Variants in NRXN3 observed in about 807,000 individuals in gnomAD.
The protein encoded by NRXN3 is neurexin 3.
Under a neutral mutation model 137.6 loss-of-function variants are expected in NRXN3, and 32 were observed. The observed-to-expected ratio is 0.23, with a 90% CI of 0.18 to 0.31. The LOEUF is 0.31. Ranked by LOEUF, NRXN3 falls within the 10% of genes least tolerant of loss-of-function variation. The pLI, the probability that NRXN3 is intolerant of heterozygous loss-of-function variation, is 1.00. For missense variants in NRXN3, 1,574 were observed against 2,062.5 expected, an observed-to-expected ratio of 0.76 and a Z score of 4.59; for synonymous variants, 798 against 784.5, an observed-to-expected ratio of 1.02 and a Z score of -0.29.
chr14:79,584,658 AGCTACTGCT>A (rs1326546585), intron 16 of NRXN3, among the ~76,000 whole-genome samples: 4 of 152,188 alleles, frequency 2.6e-5, no homozygotes, highest in Non-Finnish European at 4.4e-5. Flanking sequence ...CCCACAACCC[AGCTACTGCT>A]ATGGGTACAG....
chr14:78,188,456 G>C (rs778606149), intron 1 of NRXN3, among the ~76,000 whole-genome samples: 7 of 152,156 alleles, frequency 4.6e-5, no homozygotes, highest in Non-Finnish European at 7.3e-5. Context: ...TTGGAAGACT[G>C]GGGGGCAAAT....
intron 1 of NRXN3, among the ~76,000 whole-genome samples, chr14:78,219,005 G>A (rs1007217651): frequency 2.0e-5 from 3 of 152,178 alleles, no homozygotes; most frequent in African/African-American, 7.2e-5. Flanking sequence ...CCCTCTGCGT[G>A]TATCTGTGTC....
At chr14:78,622,208 A>G (rs1005952874) in intron 4 of NRXN3, among the ~76,000 whole-genome samples, 2 of 152,176 alleles carry the variant, frequency 1.3e-5, no homozygotes, top group African/African-American at 4.8e-5. Flanking sequence ...CTAGCCTTTC[A>G]AATAGCATTC....
chr14:79,564,239 T>C (rs2097528236), intron 16 of NRXN3, among the ~76,000 whole-genome samples: 1 of 151,834 alleles, frequency 6.6e-6, no homozygotes, highest in Admixed American at 6.6e-5. Flanking sequence ...GCGAGTCAAG[T>C]TTATAGGTGT....
chr14:79,776,782 T>C (rs1202629260), intron 19 of NRXN3, among the ~76,000 whole-genome samples: 3 of 152,192 alleles, frequency 2.0e-5, no homozygotes, highest in Non-Finnish European at 4.4e-5. Flanking sequence ...TGAATTTTTT[T>C]CCCAATGTAC....
chr14:78,722,625 T>C (rs552731533), intron 8 of NRXN3, among the ~76,000 whole-genome samples: 6 of 152,316 alleles, frequency 3.9e-5, no homozygotes, highest in Non-Finnish European at 8.8e-5. Context: ...GTTCTTAATA[T>C]ATACTGAGTC....
chr14:78,561,884 C>G (rs1206401396), intron 4 of NRXN3, among the ~76,000 whole-genome samples: 1 of 152,172 alleles, frequency 6.6e-6, no homozygotes, highest in Admixed American at 6.5e-5. Context: ...GTGGGTTTCT[C>G]TACTCCAAGG....
chr14:78,838,688 G>T (rs1409877973), intron 10 of NRXN3, among the ~76,000 whole-genome samples: 2 of 152,136 alleles, frequency 1.3e-5, no homozygotes, highest in Non-Finnish European at 2.9e-5. Context: ...TGGCCAAGGA[G>T]AGTAAAGGAA....
chr14:79,774,092 AC>A (rs1486426825), intron 19 of NRXN3, among the ~76,000 whole-genome samples: 2 of 152,250 alleles, frequency 1.3e-5, no homozygotes, highest in African/African-American at 2.4e-5. Context: ...GGAAAGAGAA[AC>A]CCCCGAATAA....
intron 8 of NRXN3, among the ~76,000 whole-genome samples, chr14:78,802,840 G>C (rs987945811): frequency 6.6e-6 from 1 of 152,174 alleles, no homozygotes; most frequent in Non-Finnish European, 1.5e-5. Context: ...CAGCTGCTCG[G>C]TAGGCTGAGG....
In NRXN3 at chr14:79,603,896, C is replaced by A. The variant is rs186835444; in HGVS notation, c.3445-59882C>A. Among the ~76,000 whole-genome samples the A allele has an allele frequency of 4.6e-5, 7 of 151,974 alleles. No individual in the cohort carries two copies. In the East Asian group the frequency reaches 1.2e-3, roughly 25 times the overall value. On this transcript the variant is annotated intron_variant, in intron 16 of 20. Coordinates refer to ENST00000335750, the MANE Select transcript of NRXN3 (RefSeq NM_001330195.2). ...TATGAAAAATTCTTAGAACAATCTT[C>A]TTATTATTTGAGACAGAGTCCAGCT...
chr14:78,235,705 A>G (rs895775165), intron 1 of NRXN3, among the ~76,000 whole-genome samples: 4 of 152,000 alleles, frequency 2.6e-5, no homozygotes, highest in South Asian at 2.1e-4. Flanking sequence ...GCTCTTTTCT[A>G]TGTGTCCATT....
intron 4 of NRXN3, among the ~76,000 whole-genome samples, chr14:78,565,360 G>A (rs143652676): frequency 6.6e-6 from 1 of 152,166 alleles, no homozygotes; most frequent in Non-Finnish European, 1.5e-5. Flanking sequence ...AAAACTGAAG[G>A]TTCAGGTAGA....
intron 4 of NRXN3, among the ~76,000 whole-genome samples, chr14:78,425,254 T>C (rs147923715): frequency 3.2e-4 from 49 of 152,340 alleles, no homozygotes; most frequent in African/African-American, 1.1e-3. Context: ...TCTCTCATTC[T>C]GTGTTGTGAG....
At chr14:78,999,207 A>T (rs1289983655) in intron 15 of NRXN3, among the ~76,000 whole-genome samples, 1 of 152,172 alleles carries the variant, frequency 6.6e-6, no homozygotes, top group African/African-American at 2.4e-5. Flanking sequence ...ATTTTGCTAC[A>T]TGCCTACGGA....
intron 19 of NRXN3, among the ~76,000 whole-genome samples, chr14:79,770,847 G>T (rs1239364208): frequency 1.3e-5 from 2 of 151,906 alleles, no homozygotes; most frequent in African/African-American, 4.8e-5. Flanking sequence ...CTGGTTTTTT[G>T]AAAGGATCAA....
At chr14:79,033,713 A>C (rs1375683195) in intron 15 of NRXN3, among the ~76,000 whole-genome samples, 1 of 152,152 alleles carries the variant, frequency 6.6e-6, no homozygotes, top group Non-Finnish European at 1.5e-5. Flanking sequence ...AAAGAGCTAT[A>C]ATAAGAAACA....
In NRXN3 at chr14:79,567,045, T is replaced by C. The variant is rs967603951; in HGVS notation, c.3445-96733T>C. On this transcript the variant is annotated intron_variant, in intron 16 of 20. Coordinates refer to ENST00000335750, the MANE Select transcript of NRXN3 (RefSeq NM_001330195.2). The stretch of plus-strand genomic sequence containing the variant: ...TTTAAGGATCTCATAATGATTTGCA[T>C]ATCATTAGCTTGTCAGAATACCATC... 2.0e-5 allele frequency among the ~76,000 whole-genome samples: 3 copies of C among 152,176 alleles called. No individual in the cohort carries two copies. In the East Asian group the frequency reaches 5.8e-4, roughly 29 times the overall value.
intron 15 of NRXN3, among the ~76,000 whole-genome samples, chr14:79,103,694 A>G (rs1384792617): frequency 6.6e-6 from 1 of 152,080 alleles, no homozygotes; most frequent in Non-Finnish European, 1.5e-5. Context: ...ATAAAAAAAG[A>G]CCCACGTTCT....
Sources: allele counts gnomAD v4.1 joint callset (sites outside exome capture counted in the v4.1 genomes callset), GRCh38; gene constraint gnomAD v4.1.1; transcripts MANE v1.5; gene names NCBI Gene and HGNC (gene_info 2026-07-23, HGNC 2026-07-21).